The following SORCS2 variants were observed in gnomAD, a reference collection of about 807,000 sequenced individuals.
SORCS2 encodes sortilin related VPS10 domain containing receptor 2.
Under a neutral mutation model 141.6 loss-of-function variants are expected in SORCS2, and 100 were observed. The ratio of observed to expected loss-of-function variants is 0.71; its 90% CI spans 0.60 to 0.83. The LOEUF is 0.83. SORCS2 is among the 40% of genes least tolerant of loss of function. The probability of loss-of-function intolerance (pLI) is 0.00; values close to 1 mark genes in which losing one functional copy is unlikely to be tolerated. For synonymous variants in SORCS2, 789 were observed against 676.9 expected, an observed-to-expected ratio of 1.17 and a Z score of -2.57; for missense variants, 1,646 against 1,560.2, an observed-to-expected ratio of 1.05 and a Z score of -0.93.
At chr4:7,338,902 C>T (rs745539483) in intron 1 of SORCS2, among the ~76,000 whole-genome samples, 5 of 152,160 alleles carry the variant, frequency 3.3e-5, no homozygotes, top group Non-Finnish European at 7.3e-5. Context: ...GGCACGTGGT[C>T]GTGCTGGGGC....
At position 7,733,321 on chromosome 4, in the gene SORCS2, G is replaced by C; in HGVS notation, c.3109-1G>C. On this transcript the variant is annotated splice_acceptor_variant, in intron 23 of 26. Transcript: ENST00000507866. LOFTEE classifies it high-confidence loss of function. Reference sequence around the variant, plus strand: ...ACTCACTGTCCCCTCTGTGCTTGCAGAGGCTCGCCGCCATCCAGCAGGTGC... The same window carrying C: ...ACTCACTGTCCCCTCTGTGCTTGCACAGGCTCGCCGCCATCCAGCAGGTGC... 1 of 1,548,778 alleles carries C rather than the reference G, an allele frequency of 6.5e-7. No homozygotes were observed. Among genetic ancestry groups the C allele is most frequent in the Non-Finnish European group, 8.7e-7 (1 of 1,145,986 alleles).
chr4:7,712,887 G>A (rs982629026), intron 15 of SORCS2, 34 bp downstream of exon 15: 3 of 1,610,270 alleles, frequency 1.9e-6, no homozygotes, highest in African/African-American at 1.3e-5. Flanking sequence ...CGGGCAGGTG[G>A]GGTACAGACT....
chr4:7,528,749 C>T (rs1041454933), intron 2 of SORCS2, among the ~76,000 whole-genome samples: 4 of 152,088 alleles, frequency 2.6e-5, no homozygotes, highest in African/African-American at 9.7e-5. Context: ...ACTTCCTTGT[C>T]CTCAGGGCCC....
chr4:7,539,188 G>C (rs1294441713), intron 3 of SORCS2, among the ~76,000 whole-genome samples: 1 of 152,152 alleles, frequency 6.6e-6, no homozygotes, highest in Non-Finnish European at 1.5e-5. Context: ...GACACCAAAA[G>C]CCTGTGCTTT....
At chr4:7,642,976 G>C (rs1210444102) in intron 4 of SORCS2, among the ~76,000 whole-genome samples, 2 of 152,310 alleles carry the variant, frequency 1.3e-5, no homozygotes, top group Admixed American at 6.5e-5. Flanking sequence ...AGAGTCAATG[G>C]AGTGGACACA....
chr4:7,724,666 A>AGG (rs1560114394), intron 19 of SORCS2, among the ~76,000 whole-genome samples: 3 of 117,316 alleles, frequency 2.6e-5, no homozygotes, highest in Non-Finnish European at 5.5e-5. Flanking sequence ...AGTTATGGTG[A>AGG]TAATGGTGGT....
chr4:7,543,667 T>TCCAC (rs1712918805), intron 3 of SORCS2, among the ~76,000 whole-genome samples: 1 of 110,850 alleles, frequency 9.0e-6, no homozygotes, highest in African/African-American at 3.5e-5. Flanking sequence ...CACCCACCCA[T>TCCAC]CCATCCATCC....
At chr4:7,516,785 G>A (rs1190018533) in intron 2 of SORCS2, among the ~76,000 whole-genome samples, 5 of 152,176 alleles carry the variant, frequency 3.3e-5, no homozygotes, top group Non-Finnish European at 7.3e-5. Context: ...CCTAGCTGCC[G>A]TTGAATTGTC....
Position 7,434,003 on chromosome 4 carries a change from T to G in SORCS2, c.548+37648T>G, listed in dbSNP as rs1246297846. The G allele has an allele frequency of 1.9e-6, 3 of 1,612,942 alleles. No individual in the cohort carries two copies. The African/African-American group carries it at 4.0e-5, about 22-fold the overall frequency. On this transcript the variant is annotated intron_variant, in intron 2 of 26. Coordinates refer to ENST00000507866, the MANE Select transcript of SORCS2 (RefSeq NM_020777.3). ...ACCACGTTCATGCACACCTCACAGGTCACACCGGCCTTCATCTGCATCTCG... is the reference window on the plus strand; with the variant it reads ...ACCACGTTCATGCACACCTCACAGGGCACACCGGCCTTCATCTGCATCTCG...
chr4:7,526,789 G>T (rs1243453362), intron 2 of SORCS2, among the ~76,000 whole-genome samples: 1 of 152,180 alleles, frequency 6.6e-6, no homozygotes, highest in Non-Finnish European at 1.5e-5. Flanking sequence ...TACTCCATTT[G>T]CTGTGAACCT....
intron 2 of SORCS2, among the ~76,000 whole-genome samples, chr4:7,414,639 T>C (rs901858220): frequency 1.3e-5 from 2 of 152,114 alleles, no homozygotes; most frequent in Admixed American, 1.3e-4. Flanking sequence ...TCTACAGAAG[T>C]AAAAACATGC....
At chr4:7,580,681 T>A (rs948003722) in intron 3 of SORCS2, among the ~76,000 whole-genome samples, 35 of 152,146 alleles carry the variant, frequency 2.3e-4, no homozygotes, top group African/African-American at 8.0e-4. Context: ...GCAGCAAGCA[T>A]CCCCTAAGAA....
At chr4:7,408,293 G>A (rs1177082764) in intron 2 of SORCS2, among the ~76,000 whole-genome samples, 1 of 151,940 alleles carries the variant, frequency 6.6e-6, no homozygotes, top group Non-Finnish European at 1.5e-5. Context: ...CGGGGGTGGT[G>A]AATTCCCTCA....
chr4:7,422,475 G>A lies in SORCS2; in HGVS notation c.548+26120G>A, dbSNP rs114275345. 1.2e-3 allele frequency among the ~76,000 whole-genome samples: 187 copies of A among 152,298 alleles called. 1 individual carries two copies. The highest frequency in any genetic ancestry group is 4.3e-3 in the African/African-American group (178 of 41,566). On this transcript the variant is annotated intron_variant, in intron 2 of 26. Transcript: ENST00000507866. ...GGAGAGAGGTGTGTGGACCGGGCTG[G>A]TGTGTAGGGGCTGGGGTCTACACTC...
chr4:7,447,284 A>T (rs972477257), intron 2 of SORCS2, among the ~76,000 whole-genome samples: 15 of 152,094 alleles, frequency 9.9e-5, no homozygotes. Context: ...CATCCTGAGC[A>T]TCCCCTGCCT....
chr4:7,727,022 T>G, intron 21 of SORCS2, 119 bp downstream of exon 21: 29 of 1,203,304 alleles, frequency 2.4e-5, no homozygotes, highest in Non-Finnish European at 2.9e-5. Flanking sequence ...GGCCCTGGGG[T>G]GGGGAGGGAG....
At chr4:7,251,751 G>C (rs1035393947) in intron 1 of SORCS2, among the ~76,000 whole-genome samples, 5 of 152,082 alleles carry the variant, frequency 3.3e-5, no homozygotes, top group Admixed American at 1.3e-4. Flanking sequence ...TTTAAAAAGC[G>C]ATCCCAGAAC....
chr4:7,320,599 A>G (rs1395763608), intron 1 of SORCS2, among the ~76,000 whole-genome samples: 1 of 152,268 alleles, frequency 6.6e-6, no homozygotes, highest in Non-Finnish European at 1.5e-5. Context: ...ACACAAACAC[A>G]GCCACACGTC....
chr4:7,734,272 G>A lies in SORCS2; in HGVS notation c.3209G>A (p.Gly1070Asp), dbSNP rs750897595. ...CCACTGACAACCGCTTTGCTTGCAG[G>A]TGCTGAGCAGCTGGGCGGCGGTGGC... ...VLVALRDTGT[G>D]AEQLGGGGGY... The change falls in exon 25 of 27, where the codon GGT becomes GAT. Residue 1070 changes from glycine (G) to aspartate (D), a missense_variant and splice_region_variant. Coordinates refer to ENST00000507866, the MANE Select transcript of SORCS2 (RefSeq NM_020777.3). 6.3e-7 allele frequency: 1 copy of A among 1,596,158 alleles called. No individual in the cohort carries two copies. Among genetic ancestry groups the A allele is most frequent in the South Asian group, 1.1e-5 (1 of 87,372 alleles).
Sources: allele counts gnomAD v4.1 joint callset (sites outside exome capture counted in the v4.1 genomes callset), GRCh38; gene constraint gnomAD v4.1.1; transcripts MANE v1.5; gene names NCBI Gene and HGNC (gene_info 2026-07-23, HGNC 2026-07-21).